The following SLC1A1 variants were observed in gnomAD, a reference collection of about 807,000 sequenced individuals.
SLC1A1 encodes the protein solute carrier family 1 member 1.
In SLC1A1, 43 loss-of-function variants were observed where a neutral mutation model predicts 53.3. The observed-to-expected ratio is 0.81, with a 90% CI of 0.63 to 1.04. SLC1A1 has a LOEUF of 1.04. Ranked by LOEUF, SLC1A1 falls within the 50% of genes least tolerant of loss-of-function variation. The pLI is 0.00. For synonymous variants in SLC1A1, 307 were observed against 243.2 expected (o/e 1.26, Z -2.44); for missense variants, 748 against 664.9 (o/e 1.12, Z -1.37).
At chr9:4,498,531 A>C (rs967127202) in intron 1 of SLC1A1, among the ~76,000 whole-genome samples, 1 of 118,734 alleles carries the variant, frequency 8.4e-6, no homozygotes, top group African/African-American at 2.5e-5. Context: ...TCAGTTTGAC[A>C]TAGGGAAAAC....
chr9:4,505,272 C>T (rs1238121116), intron 1 of SLC1A1, among the ~76,000 whole-genome samples: 1 of 152,020 alleles, frequency 6.6e-6, no homozygotes, highest in Non-Finnish European at 1.5e-5. Context: ...TGGTCTTGAA[C>T]TTCTGACCTC....
At chr9:4,555,737 A>T (rs1348235760) in intron 2 of SLC1A1, among the ~76,000 whole-genome samples, 1 of 152,070 alleles carries the variant, frequency 6.6e-6, no homozygotes, top group Non-Finnish European at 1.5e-5. Flanking sequence ...TTTCTGCCCA[A>T]TTCAGGTGCC....
rs1423949414 is a variant in SLC1A1 at position 4,583,882 on chromosome 9, T to TCTCACA, written c.1328+711_1328+712insTCACAC. Among the ~76,000 whole-genome samples, 339 of 137,014 alleles carry TCTCACA rather than the reference T, an allele frequency of 2.5e-3. 3 individuals carry two copies. The highest frequency in any genetic ancestry group is 8.3e-3 in the African/African-American group (292 of 35,332). 89.9% of individuals were successfully genotyped at this position (137,014 alleles called of 152,430 possible). ...CTCTCTCTCTCTCTCTCTCTCTCTC[T>TCTCACA]CACACACACACACACACACACACAC... On this transcript the variant is annotated intron_variant, in intron 11 of 11. Coordinates refer to ENST00000262352, the MANE Select transcript of SLC1A1 (RefSeq NM_004170.6). This position sits in a 1 kb window ranked among gnomAD's most constrained non-coding sequence, Gnocchi z 4.6.
intron 1 of SLC1A1, among the ~76,000 whole-genome samples, chr9:4,528,466 C>T (rs527665097): frequency 2.0e-5 from 3 of 152,234 alleles, no homozygotes; most frequent in African/African-American, 7.2e-5. Flanking sequence ...GTCCCAGCTA[C>T]TCGGGAGACT....
chr9:4,498,950 A>T (rs971396695), intron 1 of SLC1A1, among the ~76,000 whole-genome samples: 1 of 146,298 alleles, frequency 6.8e-6, no homozygotes, highest in Non-Finnish European at 1.5e-5. Flanking sequence ...TACATAATAT[A>T]TACATATATA....
intron 1 of SLC1A1, among the ~76,000 whole-genome samples, chr9:4,534,397 A>G (rs1031324671): frequency 2.0e-5 from 3 of 152,226 alleles, no homozygotes; most frequent in African/African-American, 4.8e-5. Flanking sequence ...CTGATCCCAC[A>G]GAAATACAGA....
rs2129670896 is a variant in SLC1A1 at position 4,561,542 on chromosome 9, G to T, written c.325+1G>T. 1 of 1,526,336 alleles carries T rather than the reference G, an allele frequency of 6.6e-7. No individual in the cohort carries two copies. The highest frequency in any genetic ancestry group is 2.2e-5 in the East Asian group (1 of 44,496). The allele number at this position is 1,526,336 out of a possible 1,614,324, so 94.5% of individuals were successfully genotyped here. ...ACCACTCTCATTGCTGTTATTCTAG[G>T]TAATACTTATTTCTGAATCCTTACT... is the stretch of plus-strand genomic sequence containing the variant. On this transcript the variant is annotated splice_donor_variant, in intron 3 of 11. Coordinates refer to ENST00000262352, the MANE Select transcript of SLC1A1 (RefSeq NM_004170.6). LOFTEE classifies it high-confidence loss of function.
intron 2 of SLC1A1, among the ~76,000 whole-genome samples, chr9:4,559,159 G>T (rs1424317992): frequency 6.6e-6 from 1 of 152,060 alleles, no homozygotes; most frequent in Non-Finnish European, 1.5e-5. Flanking sequence ...TTGCCTAATT[G>T]TTATCTTTCA....
intron 2 of SLC1A1, among the ~76,000 whole-genome samples, chr9:4,558,774 T>A (rs992723250): frequency 5.9e-5 from 9 of 152,096 alleles, no homozygotes; most frequent in Non-Finnish European, 8.8e-5. Flanking sequence ...TCTGTGACTC[T>A]CACTTGTCAG....
chr9:4,580,599 ATATGTGTGTG>A (rs1438709744), intron 10 of SLC1A1, among the ~76,000 whole-genome samples: 2 of 51,050 alleles, frequency 3.9e-5, no homozygotes, highest in Non-Finnish European at 7.3e-5. Context: ...AAAAAAATAT[ATATGTGTGTG>A]TGTGTGTGTG....
chr9:4,533,777 C>T (rs575508152), intron 1 of SLC1A1, among the ~76,000 whole-genome samples: 4 of 152,286 alleles, frequency 2.6e-5, no homozygotes, highest in African/African-American at 9.6e-5. Flanking sequence ...CTCAGCACCA[C>T]ACCTATTCCA....
chr9:4,509,791 A>T (rs1820936197), intron 1 of SLC1A1, among the ~76,000 whole-genome samples: 1 of 152,256 alleles, frequency 6.6e-6, no homozygotes, highest in East Asian at 1.9e-4. Context: ...CGGGACATCA[A>T]GAAGTGTTGA....
intron 1 of SLC1A1, among the ~76,000 whole-genome samples, chr9:4,499,830 G>C (rs1469622222): frequency 6.6e-6 from 1 of 152,166 alleles, no homozygotes; most frequent in Non-Finnish European, 1.5e-5. Context: ...AAAAATTTGA[G>C]CACTGGGCAT....
intron 1 of SLC1A1, among the ~76,000 whole-genome samples, chr9:4,520,883 A>T (rs1043372620): frequency 6.6e-6 from 1 of 152,234 alleles, no homozygotes; most frequent in Non-Finnish European, 1.5e-5. Flanking sequence ...TCTCACCAAA[A>T]AGGCAAAAAG....
In SLC1A1 at chr9:4,585,963, G is replaced by A; in HGVS notation, c.*405G>A. On this transcript the variant is annotated 3_prime_UTR_variant, in exon 12 of 12. Coordinates refer to ENST00000262352, the MANE Select transcript of SLC1A1 (RefSeq NM_004170.6). Reference sequence around the variant, plus strand: ...CAAATTTTTACTCAGGCTTTCTATTGGCATGGATTTCCTTTGACCTCTCAC... The same window carrying A: ...CAAATTTTTACTCAGGCTTTCTATTAGCATGGATTTCCTTTGACCTCTCAC... 1 of 196,252 alleles carries A rather than the reference G, an allele frequency of 5.1e-6. No homozygotes were observed. The allele number at this position is 196,252 out of a possible 1,614,324, so 12.2% of individuals were successfully genotyped here. A position where few individuals can be genotyped will look rare whatever the true frequency, so the allele number is the denominator to read the frequency against.
chr9:4,498,015 C>T (rs1180520366), intron 1 of SLC1A1, among the ~76,000 whole-genome samples: 1 of 152,152 alleles, frequency 6.6e-6, no homozygotes, highest in Admixed American at 6.5e-5. Flanking sequence ...CTGTCTGGCA[C>T]TGGCTTAGGA....
Position 4,549,797 on chromosome 9 carries a change from G to C in SLC1A1, c.232+5090G>C, listed in dbSNP as rs1817779153. On this transcript the variant is annotated intron_variant, in intron 2 of 11. Coordinates refer to ENST00000262352, the MANE Select transcript of SLC1A1 (RefSeq NM_004170.6). The surrounding 1 kb of genome is among the most constrained non-coding windows in gnomAD (Gnocchi z 4.1). ...AGACTCCATACCATAGTACCTGCTG[G>C]GTTATTGCAACCACCCTGCTTGTAG... Among the ~76,000 whole-genome samples, 1 of 152,262 alleles carries C rather than the reference G, an allele frequency of 6.6e-6. No homozygotes were observed. The highest frequency in any genetic ancestry group is 2.1e-4 in the South Asian group (1 of 4,828).
intron 1 of SLC1A1, among the ~76,000 whole-genome samples, chr9:4,519,727 GT>G (rs2130828613): frequency 6.6e-6 from 1 of 152,278 alleles, no homozygotes; most frequent in South Asian, 2.1e-4. Flanking sequence ...GAGGGATTCA[GT>G]AACTTATGTA....
chr9:4,522,322 A>T (rs1222590920), intron 1 of SLC1A1, among the ~76,000 whole-genome samples: 1 of 152,082 alleles, frequency 6.6e-6, no homozygotes, highest in Non-Finnish European at 1.5e-5. Flanking sequence ...AAGTGCTGGG[A>T]TTACAGGTGT....
Sources: allele counts gnomAD v4.1 joint callset (sites outside exome capture counted in the v4.1 genomes callset), GRCh38; gene constraint gnomAD v4.1.1; non-coding constraint Gnocchi (gnomAD v3.1); transcripts MANE v1.5; gene names NCBI Gene and HGNC (gene_info 2026-07-23, HGNC 2026-07-21).